The following BTNL3 variants were observed in gnomAD, a reference collection of about 807,000 sequenced individuals.
BTNL3 encodes the protein butyrophilin like 3, also known as butyrophilin-like protein 3.
Under a neutral mutation model 40.1 loss-of-function variants are expected in BTNL3, and 20 were observed. The ratio of observed to expected loss-of-function variants is 0.50; its 90% confidence interval spans 0.35 to 0.72. The LOEUF (loss-of-function observed/expected upper bound fraction) is 0.72. BTNL3 is among the 30% of genes least tolerant of loss of function. BTNL3 has a pLI of 0.01. For missense variants in BTNL3, 449 were observed against 582.2 expected, an observed-to-expected ratio of 0.77 and a Z score of 2.35; for synonymous variants, 179 against 222.1, an observed-to-expected ratio of 0.81 and a Z score of 1.73.
At chr5:181,003,932 C>T in intron 5 of BTNL3, 56 bp downstream of exon 5, 1 of 1,613,718 alleles carries the variant, frequency 6.2e-7, no homozygotes, top group Non-Finnish European at 8.5e-7. Context: ...CCTCCCTGAT[C>T]CACAGTTTGA....
At chr5:180,989,761 T>C (rs560838217) in intron 1 of BTNL3, among the ~76,000 whole-genome samples, 4 of 136,592 alleles carry the variant, frequency 2.9e-5, no homozygotes, top group African/African-American at 1.0e-4. Context: ...AAAAGTTCAT[T>C]TGACTGTGTT....
At position 180,993,163 on chromosome 5, in the gene BTNL3, C is replaced by A; in HGVS notation, c.397+3C>A. On this transcript the variant is annotated splice_donor_region_variant and intron_variant, in intron 2 of 7. Coordinates refer to ENST00000342868, the MANE Select transcript of BTNL3 (RefSeq NM_197975.3). ...CACCTGGGAGCTGCGGGTGGCAGGT[C>A]AGTTGTTTATTTATGACTGAGTTGT... The A allele has an allele frequency of 1.4e-6, 2 of 1,428,126 alleles. No individual in the cohort carries two copies. Among genetic ancestry groups the A allele is most frequent in the South Asian group, 2.4e-5 (2 of 85,102 alleles). The allele number at this position is 1,428,126 out of a possible 1,614,324, so 88.5% of individuals were successfully genotyped here.
chr5:181,005,126 T>G (rs1348116749), intron 7 of BTNL3, among the ~76,000 whole-genome samples: 1 of 151,992 alleles, frequency 6.6e-6, no homozygotes, highest in African/African-American at 2.4e-5. Context: ...AGGGCAGTGG[T>G]AGGGCTGGGT....
Position 181,004,417 on chromosome 5 carries a change from AC to A in BTNL3, c.810del (p.Trp271GlyfsTer10). On this transcript the variant is annotated frameshift_variant and splice_region_variant, in exon 6 of 8. Coordinates refer to ENST00000342868, the MANE Select transcript of BTNL3 (RefSeq NM_197975.3). LOFTEE classifies it high-confidence loss of function. The stretch of plus-strand genomic sequence containing the variant: ...TTTTGTTTTTGTTTTTGTTTTTCAG[AC>A]TGGAGAAGAAAGCACGGACAGGCAG... The part of the protein sequence containing the change: ...KSKGKIQAEL[D>X]WRRKHGQAEL... 1 of 1,230,696 alleles carries A rather than the reference AC, an allele frequency of 8.1e-7. No individual in the cohort carries two copies. Among genetic ancestry groups the A allele is most frequent in the East Asian group, 2.3e-5 (1 of 42,616 alleles). The allele number at this position is 1,230,696 out of a possible 1,614,324, so 76.2% of individuals were successfully genotyped here. A position where few individuals can be genotyped will look rare whatever the true frequency, so the allele number is the denominator to read the frequency against.
In BTNL3 at chr5:181,006,658, G is replaced by C. The variant is rs1275957167; in HGVS notation, c.*786G>C. 6.6e-6 allele frequency: 1 copy of C among 152,158 alleles called. No individual in the cohort carries two copies. Among genetic ancestry groups the C allele is most frequent in the Admixed American group, 6.5e-5 (1 of 15,276 alleles). The allele number at this position is 152,158 out of a possible 1,614,324, so 9.4% of individuals were successfully genotyped here. A position where few individuals can be genotyped will look rare whatever the true frequency, so the allele number is the denominator to read the frequency against. ...CAGTGTGGTTTGTCCCACAAATGCA[G>C]AGTTGGTTTAATATTTAAATATCAA... On this transcript the variant is annotated 3_prime_UTR_variant, in exon 8 of 8. Transcript: ENST00000342868.
Position 181,005,977 on chromosome 5 carries a change from A to AGG in BTNL3, c.*105_*106insGG. 1 of 1,242,124 alleles carries AGG rather than the reference A, an allele frequency of 8.1e-7. No homozygotes were observed. Among genetic ancestry groups the AGG allele is most frequent in the Non-Finnish European group, 1.1e-6 (1 of 911,818 alleles). 76.9% of individuals were successfully genotyped at this position (1,242,124 alleles called of 1,614,324 possible). On this transcript the variant is annotated 3_prime_UTR_variant, in exon 8 of 8. Coordinates refer to ENST00000342868, the MANE Select transcript of BTNL3 (RefSeq NM_197975.3). ...CCAGCTTCCTCTCCGGAGCCTGCGC[A>AGG]CAGAGAGTCACGCCCCCCACTCTCC... is the stretch of plus-strand genomic sequence containing the variant.
In BTNL3 at chr5:180,991,923, G is replaced by GA. The variant is rs1182098423; in HGVS notation, c.50-882dup. Among the ~76,000 whole-genome samples the GA allele has an allele frequency of 2.2e-5, 3 of 136,094 alleles. 1 individual carries two copies. The highest frequency in any genetic ancestry group is 5.1e-5 in the African/African-American group (2 of 39,462). 89.3% of individuals were successfully genotyped at this position (136,094 alleles called of 152,430 possible). A position where few individuals can be genotyped will look rare whatever the true frequency, so the allele number is the denominator to read the frequency against. ...CTAACACTAACGATAACTAATGAAT[G>GA]AAAAAAAATCACAAAAAATCTTATA... On this transcript the variant is annotated intron_variant, in intron 1 of 7. Coordinates refer to ENST00000342868, the MANE Select transcript of BTNL3 (RefSeq NM_197975.3).
chr5:181,000,783 G>A lies in BTNL3; in HGVS notation c.674-1889G>A, dbSNP rs1381069096. ...ATTGCGCCACTGCAGTCCGCAGTCC[G>A]GCCTGGGCGACAGAGCGAGACTCCG... On this transcript the variant is annotated intron_variant, in intron 3 of 7. Transcript: ENST00000342868. Among the ~76,000 whole-genome samples, 2 of 133,140 alleles carry A rather than the reference G, an allele frequency of 1.5e-5. 1 individual carries two copies. The highest frequency in any genetic ancestry group is 3.4e-5 in the Non-Finnish European group (2 of 58,564). 87.3% of individuals were successfully genotyped at this position (133,140 alleles called of 152,430 possible). A position where few individuals can be genotyped will look rare whatever the true frequency, so the allele number is the denominator to read the frequency against.
At position 181,002,712 on chromosome 5, in the gene BTNL3, T is replaced by C; in HGVS notation, c.714T>C (p.Ile238=). Residue 238 remains isoleucine (I), a synonymous_variant, in exon 4 of 8, where the codon ATT becomes ATC. Coordinates refer to ENST00000342868, the MANE Select transcript of BTNL3 (RefSeq NM_197975.3). ...FQPSPWRLAS[I]LLGLLCGALC... is the part of the protein sequence containing the mutation. ...CCTCACCTTGGCGCCTGGCTTCTAT[T>C]TTACTCGGGTTACTCTGTGGTGCCC... 6.9e-6 allele frequency: 10 copies of C among 1,456,938 alleles called. 2 individuals are homozygous for C. Among genetic ancestry groups the C allele is most frequent in the Non-Finnish European group, 9.5e-6 (10 of 1,055,932 alleles). The allele number at this position is 1,456,938 out of a possible 1,614,324, so 90.3% of individuals were successfully genotyped here.
intron 3 of BTNL3, 70 bp from the exon 4 acceptor site, chr5:181,002,602 T>C: frequency 7.5e-7 from 1 of 1,341,888 alleles, no homozygotes; most frequent in Non-Finnish European, 1.0e-6. Flanking sequence ...TACTGGGGGA[T>C]TCCTTAAATG....
chr5:181,002,887 C>G lies in BTNL3; in HGVS notation c.787+102C>G, dbSNP rs1025322308. On this transcript the variant is annotated intron_variant, in intron 4 of 7. Transcript: ENST00000342868. ...ACCTCTGGGCTCTGCTCTTCCAGCC[C>G]TAGGCCTACAGGGGCCACCAGCTGA... The G allele has an allele frequency of 1.9e-4, 245 of 1,323,326 alleles. 57 individuals are homozygous for G. Among genetic ancestry groups the G allele is most frequent in the Non-Finnish European group, 1.2e-4 (118 of 956,154 alleles). 82.0% of individuals were successfully genotyped at this position (1,323,326 alleles called of 1,614,324 possible).
intron 7 of BTNL3, 148 bp from the exon 8 acceptor site, chr5:181,005,186 G>A (rs1760197828): frequency 2.1e-6 from 3 of 1,395,996 alleles, no homozygotes; most frequent in Non-Finnish European, 2.9e-6. Flanking sequence ...CACGGGGGCT[G>A]CCCTGGAGAA....
At chr5:181,004,936 C>G (rs1760192150) in intron 7 of BTNL3, among the ~76,000 whole-genome samples, 174 bp downstream of exon 7, 1 of 152,104 alleles carries the variant, frequency 6.6e-6, no homozygotes, top group Non-Finnish European at 1.5e-5. Flanking sequence ...AGCGTAGGGA[C>G]TGGGTCAGCT....
chr5:181,005,122 G>A (rs574467511), intron 7 of BTNL3, among the ~76,000 whole-genome samples: 3 of 152,254 alleles, frequency 2.0e-5, no homozygotes, highest in East Asian at 3.9e-4. Flanking sequence ...TGGGAGGGCA[G>A]TGGTAGGGCT....
chr5:181,002,235 C>A lies in BTNL3; in HGVS notation c.674-437C>A, dbSNP rs1412685092. 1.5e-5 allele frequency among the ~76,000 whole-genome samples: 2 copies of A among 129,866 alleles called. 1 individual carries two copies. Among genetic ancestry groups the A allele is most frequent in the Non-Finnish European group, 3.5e-5 (2 of 57,384 alleles). The allele number at this position is 129,866 out of a possible 152,430, so 85.2% of individuals were successfully genotyped here. A position where few individuals can be genotyped will look rare whatever the true frequency, so the allele number is the denominator to read the frequency against. Reference sequence around the variant, plus strand: ...TTGAACATGAGGTACACAGAGGTGACCTTGCATGTGTGGCAGTGTGTAAAG... The same window carrying A: ...TTGAACATGAGGTACACAGAGGTGAACTTGCATGTGTGGCAGTGTGTAAAG... On this transcript the variant is annotated intron_variant, in intron 3 of 7. Transcript: ENST00000342868.
At position 181,005,365 on chromosome 5, in the gene BTNL3, C is replaced by A; in HGVS notation, c.894C>A (p.His298Gln). Residue 298 changes from histidine to glutamine, a missense_variant, in exon 8 of 8, where the codon CAC becomes CAA. By Grantham distance (24) the His-to-Gln change is conservative. This residue lies in a region of BTNL3 where 323 missense variants were observed against 464.9 expected (regional missense o/e 0.69). Transcript: ENST00000342868. The stretch of plus-strand genomic sequence containing the variant: ...TGACTCTGGATCCAGAGACGGCTCA[C>A]CCGAAGCTCTGCGTTTCTGATCTGA... ...VEVTLDPETA[H>Q]PKLCVSDLKT... 2 of 1,612,598 alleles carry A rather than the reference C, an allele frequency of 1.2e-6. No individual in the cohort carries two copies. The highest frequency in any genetic ancestry group is 1.7e-6 in the Non-Finnish European group (2 of 1,179,666).
rs771151478 is a variant in BTNL3, at chr5:180,993,153, G to C, written c.390G>C (p.Arg130=). 24 of 1,435,398 alleles carry C rather than the reference G, an allele frequency of 1.7e-5. 2 individuals carry two copies. The South Asian group carries it at 2.6e-4, about 15-fold the overall frequency. 88.9% of individuals were successfully genotyped at this position (1,435,398 alleles called of 1,614,324 possible). ...IYDEEATWEL[R]VAALGSLPLI... is the part of the protein sequence containing the mutation. Reference sequence around the variant, plus strand: ...ATGAGGAGGCCACCTGGGAGCTGCGGGTGGCAGGTCAGTTGTTTATTTATG... The same window carrying C: ...ATGAGGAGGCCACCTGGGAGCTGCGCGTGGCAGGTCAGTTGTTTATTTATG... Residue 130 remains arginine (R), a synonymous_variant, in exon 2 of 8, where the codon CGG becomes CGC. Coordinates refer to ENST00000342868, the MANE Select transcript of BTNL3 (RefSeq NM_197975.3).
In BTNL3 at chr5:180,995,449, G is replaced by A. The variant is rs779989468; in HGVS notation, c.398-1764G>A. Reference sequence around the variant, plus strand: ...CACCATGTTTAGATTTATGACTCAGGTCCTAGTCTATTTTTGGTGGTTGTG... The same window carrying A: ...CACCATGTTTAGATTTATGACTCAGATCCTAGTCTATTTTTGGTGGTTGTG... On this transcript the variant is annotated intron_variant, in intron 2 of 7. Coordinates refer to ENST00000342868, the MANE Select transcript of BTNL3 (RefSeq NM_197975.3). 8.1e-5 allele frequency among the ~76,000 whole-genome samples: 11 copies of A among 136,384 alleles called. 1 individual carries two copies. Among genetic ancestry groups the A allele is most frequent in the Non-Finnish European group, 1.3e-4 (8 of 59,642 alleles). The allele number at this position is 136,384 out of a possible 152,430, so 89.5% of individuals were successfully genotyped here. A position where few individuals can be genotyped will look rare whatever the true frequency, so the allele number is the denominator to read the frequency against.
In BTNL3 at chr5:181,005,588, C is replaced by G; in HGVS notation, c.1117C>G (p.Pro373Ala). ...GGGGAAGAACAATGTGACTTTGTCTCCCAACAATGGGTATTGGGTCCTCAG... is the reference window on the plus strand; with the variant it reads ...GGGGAAGAACAATGTGACTTTGTCTGCCAACAATGGGTATTGGGTCCTCAG... ...DRGKNNVTLS[P>A]NNGYWVLRLT... is the part of the protein sequence containing the mutation. The change falls in exon 8 of 8, where the codon CCC becomes GCC. Residue 373 changes from proline to alanine, a missense_variant. Around this residue, in one of 2 missense-constraint regions of BTNL3, gnomAD observed 126 missense variants for 117.2 expected, o/e 1.07. Transcript: ENST00000342868. 1 of 1,613,982 alleles carries G rather than the reference C, an allele frequency of 6.2e-7. No individual in the cohort carries two copies. Among genetic ancestry groups the G allele is most frequent in the African/African-American group, 1.3e-5 (1 of 74,944 alleles).
Sources: allele counts gnomAD v4.1 joint callset (sites outside exome capture counted in the v4.1 genomes callset), GRCh38; gene constraint gnomAD v4.1.1; regional missense constraint gnomAD v4.1.1; transcripts MANE v1.5; gene names NCBI Gene and HGNC (gene_info 2026-07-23, HGNC 2026-07-21).